PHACTR1: variants seen among roughly 807,000 people sequenced by gnomAD.
PHACTR1 encodes RPEL repeat containing 1.
A neutral mutation model predicts 69.2 loss-of-function variants in PHACTR1; 16 were observed. The ratio of observed to expected loss-of-function variants is 0.23; its 90% CI spans 0.16 to 0.35. The LOEUF is 0.35. Ranked by LOEUF, PHACTR1 falls within the 10% of genes least tolerant of loss-of-function variation. The pLI is 1.00. For missense variants in PHACTR1, 510 were observed against 734.7 expected, an observed-to-expected ratio of 0.69 and a Z score of 3.54; for synonymous variants, 312 against 284.5, an observed-to-expected ratio of 1.10 and a Z score of -0.97.
chr6:13,175,952 G>A (rs1394182225), intron 6 of PHACTR1, among the ~76,000 whole-genome samples: 2 of 152,048 alleles, frequency 1.3e-5, no homozygotes, highest in African/African-American at 4.8e-5. Flanking sequence ...GTCAACACGG[G>A]TCCAGGGCAG....
At chr6:13,136,081 A>G (rs1673470482) in intron 5 of PHACTR1, among the ~76,000 whole-genome samples, 1 of 152,100 alleles carries the variant, frequency 6.6e-6, no homozygotes, top group Non-Finnish European at 1.5e-5. Context: ...ATATTATTAT[A>G]CCATTCTTCC....
chr6:12,797,725 A>G lies in PHACTR1; in HGVS notation c.250+47935A>G, dbSNP rs536933909. Among the ~76,000 whole-genome samples the G allele has an allele frequency of 3.9e-5, 6 of 152,194 alleles. No homozygotes were observed. The South Asian group carries it at 1.0e-3, about 26-fold the overall frequency. ...CTTCCTCACTCATCACACTCCAGCC[A>G]CACTGTCCTTTTTGTCTGTCAACGC... On this transcript the variant is annotated intron_variant, in intron 4 of 14. Transcript: ENST00000332995.
chr6:12,900,449 A>T (rs547315215), intron 4 of PHACTR1, among the ~76,000 whole-genome samples: 9 of 152,188 alleles, frequency 5.9e-5, no homozygotes, highest in African/African-American at 2.2e-4. Context: ...ATATTTTATC[A>T]TGGGAAGCTG....
chr6:12,846,726 CTTTT>C (rs36120296), intron 4 of PHACTR1, among the ~76,000 whole-genome samples: 1 of 143,602 alleles, frequency 7.0e-6, no homozygotes, highest in Non-Finnish European at 1.5e-5. Flanking sequence ...TTCTTTCGTC[CTTTT>C]TTTTTTTTGT....
intron 7 of PHACTR1, among the ~76,000 whole-genome samples, chr6:13,194,935 C>A (rs1462066270): frequency 1.3e-5 from 2 of 152,136 alleles, no homozygotes; most frequent in Non-Finnish European, 2.9e-5. Context: ...CAGATGTCTG[C>A]TGTGGTTTTC....
chr6:12,782,346 G>A (rs916689315), intron 4 of PHACTR1, among the ~76,000 whole-genome samples: 2 of 152,106 alleles, frequency 1.3e-5, no homozygotes, highest in Non-Finnish European at 2.9e-5. Context: ...GGTTGGGCCG[G>A]TGTCTAGAAA....
intron 4 of PHACTR1, among the ~76,000 whole-genome samples, chr6:12,871,856 A>T (rs1458345875): frequency 6.6e-6 from 1 of 151,762 alleles, no homozygotes; most frequent in African/African-American, 2.4e-5. Flanking sequence ...CTCTGCATTG[A>T]TTAGCTGGTA....
intron 4 of PHACTR1, among the ~76,000 whole-genome samples, chr6:12,890,371 A>C (rs182130478): frequency 3.3e-5 from 5 of 152,144 alleles, no homozygotes; most frequent in Non-Finnish European, 7.4e-5. Flanking sequence ...CCAGTACTGC[A>C]GCCAGAGGGA....
chr6:13,254,395 T>C (rs1015223217), intron 10 of PHACTR1, among the ~76,000 whole-genome samples: 2 of 152,228 alleles, frequency 1.3e-5, no homozygotes, highest in African/African-American at 2.4e-5. Context: ...AGTTGGAGTA[T>C]TGGGCCCAGT....
chr6:12,886,932 A>G (rs1169564514), intron 4 of PHACTR1, among the ~76,000 whole-genome samples: 1 of 152,188 alleles, frequency 6.6e-6, no homozygotes, highest in Non-Finnish European at 1.5e-5. Context: ...TTTGATTCCA[A>G]GCACGGGATC....
At chr6:12,924,374 C>T (rs1057015814) in intron 4 of PHACTR1, among the ~76,000 whole-genome samples, 4 of 152,172 alleles carry the variant, frequency 2.6e-5, no homozygotes, top group Non-Finnish European at 5.9e-5. Context: ...TTTCTACAAG[C>T]AACCATCCCA....
chr6:13,127,185 C>T (rs984193560), intron 5 of PHACTR1, among the ~76,000 whole-genome samples: 3 of 152,174 alleles, frequency 2.0e-5, no homozygotes, highest in Non-Finnish European at 2.9e-5. Flanking sequence ...CTCTGGGCCT[C>T]GATCTCCTTT....
chr6:12,718,657 T>C, intron 2 of PHACTR1, 42 bp from the exon 3 acceptor site: 1 of 581,584 alleles, frequency 1.7e-6, no homozygotes, highest in Middle Eastern at 2.9e-4. Flanking sequence ...CACTTTATAC[T>C]TGACGTCTAA....
chr6:12,881,585 C>G (rs1035324295), intron 4 of PHACTR1, among the ~76,000 whole-genome samples: 1 of 152,082 alleles, frequency 6.6e-6, no homozygotes, highest in Non-Finnish European at 1.5e-5. Flanking sequence ...ACCCTCTTCC[C>G]TCTCCATTTC....
chr6:13,008,363 G>A (rs1799060730), intron 4 of PHACTR1, among the ~76,000 whole-genome samples: 1 of 152,206 alleles, frequency 6.6e-6, no homozygotes, highest in East Asian at 1.9e-4. Context: ...ATAGATGCCA[G>A]CCATAAACAA....
intron 4 of PHACTR1, among the ~76,000 whole-genome samples, chr6:12,972,826 T>C (rs983930172): frequency 6.6e-6 from 1 of 152,134 alleles, no homozygotes; most frequent in Admixed American, 6.5e-5. Context: ...AATTTTTGTA[T>C]TTTCAGTAGA....
chr6:13,210,911 C>CTTTTTTTT (rs56769825), intron 8 of PHACTR1, among the ~76,000 whole-genome samples: 35 of 72,926 alleles, frequency 4.8e-4, no homozygotes, highest in South Asian at 6.2e-4. Flanking sequence ...TTTATCATTT[C>CTTTTTTTT]TTTTTTTTTT....
intron 4 of PHACTR1, among the ~76,000 whole-genome samples, chr6:12,815,506 T>G (rs894257231): frequency 5.3e-5 from 8 of 152,252 alleles, no homozygotes; most frequent in African/African-American, 1.4e-4. Context: ...TAATGAAGCT[T>G]ACTCTTACTT....
chr6:12,895,878 C>G (rs1210728831), intron 4 of PHACTR1, among the ~76,000 whole-genome samples: 1 of 152,160 alleles, frequency 6.6e-6, no homozygotes, highest in Non-Finnish European at 1.5e-5. Context: ...AATGTGCAGC[C>G]AGGACTGAGA....
Sources: gnomAD v4.1 joint callset for allele counts (sites outside exome capture counted in the v4.1 genomes callset) on GRCh38, gnomAD v4.1.1 for gene constraint, MANE v1.5 for transcripts, NCBI Gene and HGNC (gene_info 2026-07-23, HGNC 2026-07-21) for gene names.